Variants in AGBL4 observed in about 807,000 individuals in gnomAD.
AGBL4 encodes the protein cytosolic carboxypeptidase 6.
AGBL4 carries 58 observed loss-of-function variants against 66.4 expected under a neutral mutation model. That is an observed-to-expected ratio of 0.87 (90% confidence interval 0.71 to 1.09). The LOEUF (loss-of-function observed/expected upper bound fraction) is 1.09. Ranked by LOEUF, AGBL4 falls within the 50% of genes least tolerant of loss-of-function variation. AGBL4 has a pLI of 0.00. For missense variants in AGBL4, 579 were observed against 631.0 expected (o/e 0.92, Z 0.88); for synonymous variants, 234 against 222.9 (o/e 1.05, Z -0.44).
At chr1:48,692,497 G>A (rs1456960730) in intron 6 of AGBL4, among the ~76,000 whole-genome samples, 2 of 152,186 alleles carry the variant, frequency 1.3e-5, no homozygotes, top group African/African-American at 2.4e-5. Flanking sequence ...GGAGAGGAGC[G>A]TGGGCTGGCC....
chr1:49,004,024 T>C (rs549813504), intron 5 of AGBL4, among the ~76,000 whole-genome samples: 2 of 152,342 alleles, frequency 1.3e-5, no homozygotes, highest in South Asian at 4.1e-4. Flanking sequence ...TCCCTTTTGC[T>C]GTCATTTAAA....
intron 2 of AGBL4, among the ~76,000 whole-genome samples, chr1:49,721,202 A>G (rs939143814): frequency 1.3e-5 from 2 of 152,146 alleles, no homozygotes; most frequent in Non-Finnish European, 2.9e-5. Flanking sequence ...TAAGACAAAA[A>G]CAGAACATGG....
chr1:48,724,030 T>G (rs1335320499), intron 6 of AGBL4, among the ~76,000 whole-genome samples: 1 of 152,116 alleles, frequency 6.6e-6, no homozygotes, highest in Admixed American at 6.5e-5. Context: ...AAGCAGAAGA[T>G]GTCCAGAGAG....
In AGBL4 at chr1:48,772,359, AG is replaced by A. The variant is rs1476669233; in HGVS notation, c.634+94831del. 5.9e-5 allele frequency among the ~76,000 whole-genome samples: 9 copies of A among 152,296 alleles called. No homozygotes were observed. The South Asian group carries it at 1.9e-3, about 32-fold the overall frequency. Reference sequence around the variant, plus strand: ...TTGTCCACTCCTTTATCACAGGTGGAGGGGGGCTGGACCACAAACTTCTGTC... The same window carrying A: ...TTGTCCACTCCTTTATCACAGGTGGAGGGGGCTGGACCACAAACTTCTGTC... On this transcript the variant is annotated intron_variant, in intron 6 of 13. Coordinates refer to ENST00000371839, the MANE Select transcript of AGBL4 (RefSeq NM_032785.4).
At chr1:49,726,213 A>C (rs1221450567) in intron 2 of AGBL4, among the ~76,000 whole-genome samples, 2 of 152,160 alleles carry the variant, frequency 1.3e-5, no homozygotes, top group Non-Finnish European at 2.9e-5. Context: ...AAAGGGAAAA[A>C]ATGTGTGCAA....
At chr1:49,376,913 G>A (rs1644483723) in intron 3 of AGBL4, among the ~76,000 whole-genome samples, 1 of 152,048 alleles carries the variant, frequency 6.6e-6, no homozygotes, top group South Asian at 2.1e-4. Flanking sequence ...TTAGAATGGT[G>A]CCCAGAATAT....
intron 2 of AGBL4, among the ~76,000 whole-genome samples, chr1:49,822,680 T>C (rs1194767163): frequency 6.6e-6 from 1 of 152,198 alleles, no homozygotes; most frequent in African/African-American, 2.4e-5. Context: ...AGTATGATAT[T>C]CATTATACAA....
intron 5 of AGBL4, among the ~76,000 whole-genome samples, chr1:49,010,327 G>T: frequency 4.6e-5 from 6 of 130,662 alleles, no homozygotes; most frequent in East Asian, 4.5e-4. Flanking sequence ...TACAAGGGAT[G>T]TGAAGGACCT....
intron 2 of AGBL4, among the ~76,000 whole-genome samples, chr1:49,747,684 A>AT (rs932568060): frequency 4.6e-5 from 7 of 152,112 alleles, no homozygotes; most frequent in Admixed American, 1.3e-4. Context: ...TTATTACTTA[A>AT]TTTTTTTACA....
At chr1:49,510,943 A>G (rs751931729) in intron 3 of AGBL4, among the ~76,000 whole-genome samples, 4 of 150,880 alleles carry the variant, frequency 2.7e-5, no homozygotes, top group South Asian at 2.1e-4. Context: ...ATTGATCTAT[A>G]TCTCTGTTTT....
At chr1:49,701,956 G>A (rs1647102355) in intron 2 of AGBL4, among the ~76,000 whole-genome samples, 2 of 151,842 alleles carry the variant, frequency 1.3e-5, no homozygotes, top group Admixed American at 1.3e-4. Flanking sequence ...GAAATGAATA[G>A]CGGTATTTCA....
At chr1:48,924,626 T>C (rs1654374565) in intron 5 of AGBL4, among the ~76,000 whole-genome samples, 1 of 152,278 alleles carries the variant, frequency 6.6e-6, no homozygotes, top group South Asian at 2.1e-4. Flanking sequence ...ATAAAGCCAA[T>C]AGAGTTCACT....
At chr1:48,723,218 G>A (rs1016556713) in intron 6 of AGBL4, among the ~76,000 whole-genome samples, 9 of 152,192 alleles carry the variant, frequency 5.9e-5, no homozygotes, top group African/African-American at 2.2e-4. Flanking sequence ...AACATTCTGT[G>A]TGGCTTGAAA....
At chr1:49,006,213 G>C (rs1453569254) in intron 5 of AGBL4, among the ~76,000 whole-genome samples, 1 of 152,190 alleles carries the variant, frequency 6.6e-6, no homozygotes, top group Non-Finnish European at 1.5e-5. Flanking sequence ...GCCTCACTCG[G>C]GAAGCGCAAG....
At chr1:48,614,528 T>C (rs2148385848) in intron 9 of AGBL4, among the ~76,000 whole-genome samples, 1 of 152,324 alleles carries the variant, frequency 6.6e-6, no homozygotes, top group Non-Finnish European at 1.5e-5. Context: ...CAAATGAGGA[T>C]AATCTAGAGA....
chr1:50,020,764 A>G (rs1662386687), intron 1 of AGBL4, among the ~76,000 whole-genome samples: 1 of 152,216 alleles, frequency 6.6e-6, no homozygotes, highest in African/African-American at 2.4e-5. Context: ...AATACCTTAA[A>G]GAGTTGTTAT....
intron 3 of AGBL4, among the ~76,000 whole-genome samples, chr1:49,561,014 G>C (rs1305492): frequency 0.074 from 11,305 of 151,988 alleles, 1,326 homozygotes; most frequent in African/African-American, 0.25. Flanking sequence ...ATCACCTGAA[G>C]GTACAAACTC....
At chr1:49,828,306 C>T (rs994955435) in intron 2 of AGBL4, among the ~76,000 whole-genome samples, 1 of 152,018 alleles carries the variant, frequency 6.6e-6, no homozygotes, top group African/African-American at 2.4e-5. Flanking sequence ...AATAAAAAAG[C>T]AAGTAGCATA....
chr1:49,247,809 C>T (rs1364027537), intron 3 of AGBL4, among the ~76,000 whole-genome samples: 1 of 152,092 alleles, frequency 6.6e-6, no homozygotes, highest in Non-Finnish European at 1.5e-5. Context: ...TTTAAATATG[C>T]TACATTATTT....
Sources: allele counts gnomAD v4.1 joint callset (sites outside exome capture counted in the v4.1 genomes callset), GRCh38; gene constraint gnomAD v4.1.1; transcripts MANE v1.5; gene names NCBI Gene and HGNC (gene_info 2026-07-23, HGNC 2026-07-21).